Variants in SGCZ observed in about 807,000 individuals in gnomAD.
The protein encoded by SGCZ is zeta-sarcoglycan.
In SGCZ, 40 loss-of-function variants were observed where a neutral mutation model predicts 41.3. The observed-to-expected ratio is 0.97, with a 90% CI of 0.75 to 1.26. SGCZ has a LOEUF of 1.26. SGCZ is among the 50% of genes most tolerant of loss of function. SGCZ has a pLI of 0.00. For synonymous variants in SGCZ, 206 were observed against 137.5 expected (o/e 1.50, Z -3.49); for missense variants, 552 against 369.8 (o/e 1.49, Z -4.04).
At chr8:14,933,121 G>A (rs1051811515) in intron 1 of SGCZ, among the ~76,000 whole-genome samples, 1 of 151,974 alleles carries the variant, frequency 6.6e-6, no homozygotes, top group Non-Finnish European at 1.5e-5. Context: ...CACCACCTAG[G>A]TAACATAGTG....
chr8:14,837,560 C>G (rs1802742665), intron 1 of SGCZ, among the ~76,000 whole-genome samples: 1 of 152,134 alleles, frequency 6.6e-6, no homozygotes, highest in Non-Finnish European at 1.5e-5. Context: ...GGAGGCAAAA[C>G]TGGTAAGTGA....
intron 2 of SGCZ, among the ~76,000 whole-genome samples, chr8:14,473,667 G>T (rs560204997): frequency 6.6e-6 from 1 of 152,118 alleles, no homozygotes; most frequent in East Asian, 1.9e-4. Context: ...GCCGGGCGAG[G>T]TGTCTCAAGC....
In SGCZ at chr8:14,711,602, A is replaced by T. The variant is rs1285112254; in HGVS notation, c.40-156676T>A. The stretch of plus-strand genomic sequence containing the variant: ...AGGAGACAGAGTGAGACTCTGTAAA[A>T]AAAAAAAAAAAAAAAAAAGCCTATA... On this transcript the variant is annotated intron_variant, in intron 1 of 7. Transcript: ENST00000382080. Among the ~76,000 whole-genome samples, 122 of 131,858 alleles carry T rather than the reference A, an allele frequency of 9.3e-4. 1 individual carries two copies. Among genetic ancestry groups the T allele is most frequent in the African/African-American group, 4.0e-3 (117 of 29,522 alleles). 86.5% of individuals were successfully genotyped at this position (131,858 alleles called of 152,430 possible). A position where few individuals can be genotyped will look rare whatever the true frequency, so the allele number is the denominator to read the frequency against.
At chr8:14,952,261 G>A (rs2130837684) in intron 1 of SGCZ, among the ~76,000 whole-genome samples, 1 of 152,112 alleles carries the variant, frequency 6.6e-6, no homozygotes, top group African/African-American at 2.4e-5. Context: ...TGGCTTACAG[G>A]TTAGACAGTA....
Position 14,310,670 on chromosome 8 carries a change from C to A in SGCZ, c.336+13433G>T, listed in dbSNP as rs1471199305. Among the ~76,000 whole-genome samples the A allele has an allele frequency of 2.0e-5, 3 of 151,980 alleles. No homozygotes were observed. In the East Asian group the frequency reaches 5.8e-4, roughly 29 times the overall value. ...TACAAAACTGTAAATAAAATGTGTA[C>A]AGTGAATTGTCTTTTAGGCAACTAG... On this transcript the variant is annotated intron_variant, in intron 3 of 7. Transcript: ENST00000382080.
At chr8:14,888,106 T>C (rs1804877959) in intron 1 of SGCZ, among the ~76,000 whole-genome samples, 1 of 152,040 alleles carries the variant, frequency 6.6e-6, no homozygotes, top group Non-Finnish European at 1.5e-5. Flanking sequence ...CAAGATGTAA[T>C]AAAATAAAAA....
chr8:14,289,311 A>G (rs979418181), intron 3 of SGCZ, among the ~76,000 whole-genome samples: 26 of 151,218 alleles, frequency 1.7e-4, no homozygotes, highest in African/African-American at 5.8e-4. Context: ...TTGGTTGTTT[A>G]TGCTTTTGAT....
chr8:14,990,092 G>A (rs1007235677), intron 1 of SGCZ, among the ~76,000 whole-genome samples: 8 of 152,106 alleles, frequency 5.3e-5, no homozygotes, highest in Non-Finnish European at 1.0e-4. Context: ...CAAAATCATG[G>A]TCAAACGTTG....
intron 1 of SGCZ, among the ~76,000 whole-genome samples, chr8:14,656,005 T>C (rs1374329772): frequency 2.6e-5 from 4 of 152,108 alleles, no homozygotes; most frequent in Admixed American, 6.6e-5. Flanking sequence ...TACTCACCCC[T>C]TGAAGCACAT....
chr8:14,504,868 CTCTT>C (rs1802259715), intron 2 of SGCZ, among the ~76,000 whole-genome samples: 1 of 152,114 alleles, frequency 6.6e-6, no homozygotes, highest in Non-Finnish European at 1.5e-5. Flanking sequence ...TTTCACTTTC[CTCTT>C]TCTTTATAAA....
In SGCZ at chr8:14,993,808, G is replaced by A. The variant is rs542837706; in HGVS notation, c.39+243777C>T. Among the ~76,000 whole-genome samples the A allele has an allele frequency of 2.6e-5, 4 of 152,258 alleles. No homozygotes were observed. The South Asian group carries it at 8.3e-4, about 32-fold the overall frequency. On this transcript the variant is annotated intron_variant, in intron 1 of 7. Transcript: ENST00000382080. ...TGTTAACAGACGCAAGATAAGGTAG[G>A]GATTTATGGGCCTCTGTTGGGATTT...
At chr8:14,335,743 C>A (rs887532818) in intron 2 of SGCZ, among the ~76,000 whole-genome samples, 1 of 152,042 alleles carries the variant, frequency 6.6e-6, no homozygotes, top group Non-Finnish European at 1.5e-5. Context: ...TCAGAACTTT[C>A]GAGTTACAGC....
rs537094676 is a variant in SGCZ at position 15,022,950 on chromosome 8, T to G, written c.39+214635A>C. On this transcript the variant is annotated intron_variant, in intron 1 of 7. Coordinates refer to ENST00000382080, the MANE Select transcript of SGCZ (RefSeq NM_139167.4). The stretch of plus-strand genomic sequence containing the variant: ...GAACCTCACATTCCGACAGTAAGCC[T>G]TGGACCCGACAGGTGGATGGGATTT... 9.9e-5 allele frequency among the ~76,000 whole-genome samples: 15 copies of G among 152,282 alleles called. No individual in the cohort carries two copies. In the East Asian group the frequency reaches 2.5e-3, roughly 26 times the overall value.
At chr8:14,746,755 T>C (rs1475910447) in intron 1 of SGCZ, among the ~76,000 whole-genome samples, 1 of 152,122 alleles carries the variant, frequency 6.6e-6, no homozygotes, top group African/African-American at 2.4e-5. Flanking sequence ...AAATAGAACA[T>C]TGGGGTTTTT....
rs143100556 is a variant in SGCZ at position 14,131,488 on chromosome 8, T to G, written c.548-23253A>C. Among the ~76,000 whole-genome samples, 843 of 152,344 alleles carry G rather than the reference T, an allele frequency of 5.5e-3. 5 individuals are homozygous for G. The highest frequency in any genetic ancestry group is 0.019 in the African/African-American group (802 of 41,580). On this transcript the variant is annotated intron_variant, in intron 5 of 7. Coordinates refer to ENST00000382080, the MANE Select transcript of SGCZ (RefSeq NM_139167.4). ...GTATTCTGGCCTCTATGGTTCCTGA[T>G]GACAAATTATTGATCTTATTGAGAA... is the stretch of plus-strand genomic sequence containing the variant.
intron 3 of SGCZ, among the ~76,000 whole-genome samples, chr8:14,312,740 T>G (rs1801590055): frequency 6.6e-6 from 1 of 152,090 alleles, no homozygotes. Flanking sequence ...ATAACACTGA[T>G]ACTTCTTTAA....
At chr8:14,319,666 T>C (rs1585358509) in intron 3 of SGCZ, 1 of 152,026 alleles carries the variant, frequency 6.6e-6, no homozygotes, top group African/African-American at 2.4e-5. Context: ...GCCATTTATA[T>C]GTAGAATCAA....
At chr8:14,594,645 C>A (rs539755754) in intron 1 of SGCZ, among the ~76,000 whole-genome samples, 1 of 151,836 alleles carries the variant, frequency 6.6e-6, no homozygotes, top group South Asian at 2.1e-4. Flanking sequence ...TATTTATTTG[C>A]GACTTTTCAG....
intron 2 of SGCZ, among the ~76,000 whole-genome samples, chr8:14,504,495 T>C (rs914619072): frequency 6.6e-6 from 1 of 152,202 alleles, no homozygotes; most frequent in Non-Finnish European, 1.5e-5. Context: ...GGTTTCTTGA[T>C]TTATTTATTT....
Sources: allele counts gnomAD v4.1 joint callset (sites outside exome capture counted in the v4.1 genomes callset), GRCh38; gene constraint gnomAD v4.1.1; transcripts MANE v1.5; gene names NCBI Gene and HGNC (gene_info 2026-07-23, HGNC 2026-07-21).